The following PCLO variants were observed in gnomAD, a reference collection of about 807,000 sequenced individuals.
PCLO encodes the protein piccolo presynaptic cytomatrix protein.
A neutral mutation model predicts 427.5 loss-of-function variants in PCLO; 82 were observed. The observed-to-expected ratio is 0.19, with a 90% confidence interval of 0.16 to 0.23. PCLO has a LOEUF of 0.23. Ranked by LOEUF, PCLO falls within the 10% of genes least tolerant of loss-of-function variation. The pLI, the probability that PCLO is intolerant of heterozygous loss-of-function variation, is 1.00. For synonymous variants in PCLO, 2,357 were observed against 2,155.4 expected (o/e 1.09, Z -2.59); for missense variants, 6,239 against 6,115.9 (o/e 1.02, Z -0.67).
At chr7:83,030,139 A>AG (rs1415314946) in intron 3 of PCLO, among the ~76,000 whole-genome samples, 165 of 150,362 alleles carry the variant, frequency 1.1e-3, no homozygotes, top group Non-Finnish European at 2.1e-3. Flanking sequence ...AAAAAAGAAA[A>AG]GAAAAGACTC....
chr7:82,857,748 T>C (rs1458971150), intron 10 of PCLO, among the ~76,000 whole-genome samples: 1 of 152,014 alleles, frequency 6.6e-6, no homozygotes, highest in Non-Finnish European at 1.5e-5. Context: ...AATCTCTCAA[T>C]CAAAATTTAA....
At chr7:83,052,066 T>C (rs373779163) in intron 3 of PCLO, among the ~76,000 whole-genome samples, 3 of 149,918 alleles carry the variant, frequency 2.0e-5, no homozygotes, top group South Asian at 2.1e-4. Flanking sequence ...AAAAGTAAAA[T>C]GTAAAATGAT....
Position 82,886,491 on chromosome 7 carries a change from G to A in PCLO, c.13529-7029C>T, listed in dbSNP as rs186796835. Among the ~76,000 whole-genome samples the A allele has an allele frequency of 4.7e-3, 722 of 152,094 alleles. 4 individuals carry two copies. Among genetic ancestry groups the A allele is most frequent in the African/African-American group, 0.017 (690 of 41,514 alleles). On this transcript the variant is annotated intron_variant, in intron 9 of 24. Transcript: ENST00000333891. Reference sequence around the variant, plus strand: ...AATTATTATACTAACCACTATTTTGGAGGGAGTTGAAAATGGATTTAGAGA... The same window carrying A: ...AATTATTATACTAACCACTATTTTGAAGGGAGTTGAAAATGGATTTAGAGA...
chr7:83,007,658 G>T (rs1234401788), intron 3 of PCLO, among the ~76,000 whole-genome samples: 2 of 151,486 alleles, frequency 1.3e-5, no homozygotes, highest in African/African-American at 4.8e-5. Flanking sequence ...TATTGGGGGA[G>T]GACATTTAGG....
intron 3 of PCLO, among the ~76,000 whole-genome samples, chr7:83,059,907 T>C (rs1789501465): frequency 6.6e-6 from 1 of 152,174 alleles, no homozygotes; most frequent in Non-Finnish European, 1.5e-5. Flanking sequence ...AAGTAGTTTG[T>C]AGTGCAAGGT....
intron 3 of PCLO, among the ~76,000 whole-genome samples, chr7:83,092,802 T>C (rs1409451508): frequency 1.3e-5 from 2 of 151,356 alleles, no homozygotes; most frequent in Non-Finnish European, 3.0e-5. Context: ...ACAAAGTTGG[T>C]CGGGTGTGGT....
At chr7:83,045,623 A>G (rs1789085783) in intron 3 of PCLO, among the ~76,000 whole-genome samples, 1 of 152,114 alleles carries the variant, frequency 6.6e-6, no homozygotes, top group Non-Finnish European at 1.5e-5. Context: ...CTATCTTTCA[A>G]TCTTCAGACT....
At chr7:82,878,565 T>C (rs1051486650) in intron 10 of PCLO, among the ~76,000 whole-genome samples, 7 of 152,282 alleles carry the variant, frequency 4.6e-5, no homozygotes, top group South Asian at 2.1e-4. Context: ...TGATTGACAA[T>C]TGAAAATTTT....
rs1050060610 is a variant in PCLO, at chr7:83,125,035, C to T, written c.3300+9215G>A. 4.6e-5 allele frequency among the ~76,000 whole-genome samples: 7 copies of T among 152,302 alleles called. No homozygotes were observed. The East Asian group carries it at 1.2e-3, about 25-fold the overall frequency. On this transcript the variant is annotated intron_variant, in intron 3 of 24. Coordinates refer to ENST00000333891, the MANE Select transcript of PCLO (RefSeq NM_033026.6). ...CCTCCCGAGGTGCTGGGATTACAGA[C>T]GGAGTCTCGCTTACTCAGTGCTCAA...
Position 82,953,953 on chromosome 7 carries a change from T to C in PCLO, c.7000A>G (p.Ser2334Gly). 6.2e-7 allele frequency: 1 copy of C among 1,613,944 alleles called. No homozygotes were observed. The highest frequency in any genetic ancestry group is 2.2e-5 in the East Asian group (1 of 44,868). The change falls in exon 5 of 25, where the codon AGC becomes GGC. Residue 2334 changes from serine (S) to glycine (G), a missense_variant. This residue lies in a region of PCLO where 4,677 missense variants were observed against 4,468.4 expected (regional missense o/e 1.05). Coordinates refer to ENST00000333891, the MANE Select transcript of PCLO (RefSeq NM_033026.6). The stretch of plus-strand genomic sequence containing the variant: ...TGATCAAACACGGTTTCGGATAAGC[T>C]ACTTTTTGTTCGTTCGGCCTCCAAC... ...KELEAERTKS[S>G]LSETVFDHPP... is the part of the protein sequence containing the mutation.
chr7:83,144,287 G>A (rs1162146195), intron 2 of PCLO, among the ~76,000 whole-genome samples: 1 of 152,052 alleles, frequency 6.6e-6, no homozygotes, highest in Non-Finnish European at 1.5e-5. Context: ...CAAGTGAGGT[G>A]GCACATGCCT....
chr7:82,908,842 T>G (rs1369669631), intron 8 of PCLO, 35 bp downstream of exon 8: 3 of 1,584,972 alleles, frequency 1.9e-6, no homozygotes, highest in Non-Finnish European at 1.7e-6. Context: ...TCTTTTTTGA[T>G]AAATCTAAAA....
intron 14 of PCLO, 79 bp downstream of exon 14, chr7:82,841,380 G>A (rs1360439555): frequency 1.2e-6 from 1 of 824,944 alleles, no homozygotes; most frequent in African/African-American, 1.7e-5. Context: ...TCCTAACAGT[G>A]TGTTTACAAT....
chr7:83,032,895 C>T (rs1171190967), intron 3 of PCLO, among the ~76,000 whole-genome samples: 1 of 152,050 alleles, frequency 6.6e-6, no homozygotes, highest in Non-Finnish European at 1.5e-5. Context: ...ACCCAAATCG[C>T]ATCTCATCTC....
chr7:82,847,755 C>T (rs760193344), intron 10 of PCLO, among the ~76,000 whole-genome samples: 1 of 152,086 alleles, frequency 6.6e-6, no homozygotes, highest in East Asian at 1.9e-4. Flanking sequence ...AATGCCACTT[C>T]GTGTCTTTTT....
intron 3 of PCLO, among the ~76,000 whole-genome samples, chr7:83,073,906 G>A (rs1417178370): frequency 6.6e-6 from 1 of 151,302 alleles, no homozygotes; most frequent in Non-Finnish European, 1.5e-5. Flanking sequence ...AAGAACTTCA[G>A]AGCAATTAAA....
intron 10 of PCLO, among the ~76,000 whole-genome samples, chr7:82,857,336 C>T (rs1792834006): frequency 6.6e-6 from 1 of 152,062 alleles, no homozygotes; most frequent in African/African-American, 2.4e-5. Flanking sequence ...ACTGTTGCCT[C>T]CTCTGCTTTA....
chr7:83,087,187 G>T (rs1050867880), intron 3 of PCLO, among the ~76,000 whole-genome samples: 3 of 150,302 alleles, frequency 2.0e-5, no homozygotes, highest in Admixed American at 6.7e-5. Flanking sequence ...AAATTTGCAC[G>T]TTGTGCACAT....
Position 83,155,127 on chromosome 7 carries a change from C to G in PCLO, c.1514G>C (p.Gly505Ala). 2 of 1,503,714 alleles carry G rather than the reference C, an allele frequency of 1.3e-6. No homozygotes were observed. The highest frequency in any genetic ancestry group is 1.8e-6 in the Non-Finnish European group (2 of 1,110,380). The allele number at this position is 1,503,714 out of a possible 1,614,324, so 93.1% of individuals were successfully genotyped here. A position where few individuals can be genotyped will look rare whatever the true frequency, so the allele number is the denominator to read the frequency against. Residue 505 changes from glycine to alanine, a missense_variant, in exon 2 of 25, where the codon GGC becomes GCC. Around this residue, in one of 5 missense-constraint regions of PCLO, gnomAD observed 4,677 missense variants for 4,468.4 expected, o/e 1.05. Coordinates refer to ENST00000333891, the MANE Select transcript of PCLO (RefSeq NM_033026.6). Reference protein sequence around the residue: ...GSAKPPSQQPGSTKPPPQQPG... With the variant: ...GSAKPPSQQPASTKPPPQQPG... The stretch of plus-strand genomic sequence containing the variant: ...CTGTTGAGGTGGGGGTTTTGTTGAG[C>G]CAGGCTGTTGAGATGGGGGCTTTGC...
Sources: gnomAD v4.1 joint callset for allele counts (sites outside exome capture counted in the v4.1 genomes callset) on GRCh38, gnomAD v4.1.1 for gene constraint, gnomAD v4.1.1 regional missense constraint, MANE v1.5 for transcripts, NCBI Gene and HGNC (gene_info 2026-07-23, HGNC 2026-07-21) for gene names.